Variants in ZNF782 observed in about 807,000 individuals in gnomAD.
ZNF782 encodes zinc finger protein 782.
A neutral mutation model predicts 13.0 loss-of-function variants in ZNF782; 12 were observed. The observed-to-expected ratio is 0.92, with a 90% confidence interval of 0.59 to 1.50. The LOEUF is 1.50. ZNF782 is among the 40% of genes most tolerant of loss of function. The probability of loss-of-function intolerance (pLI) is 0.00; values close to 1 mark genes in which losing one functional copy is unlikely to be tolerated. For missense variants in ZNF782, 770 were observed against 822.9 expected (o/e 0.94, Z 0.79); for synonymous variants, 284 against 283.0 (o/e 1.00, Z -0.04).
chr9:96,836,464 G>A (rs1200365096), intron 4 of ZNF782, among the ~76,000 whole-genome samples: 1 of 152,188 alleles, frequency 6.6e-6, no homozygotes, highest in Non-Finnish European at 1.5e-5. Flanking sequence ...GCCTCCCAAA[G>A]TGCTGGGATT....
intron 5 of ZNF782, 81 bp from the exon 6 acceptor site, chr9:96,819,859 C>T: frequency 2.7e-6 from 3 of 1,114,962 alleles, no homozygotes; most frequent in South Asian, 2.4e-5. Context: ...TATATATGCC[C>T]TATTATGTAT....
intron 4 of ZNF782, among the ~76,000 whole-genome samples, chr9:96,834,042 G>A (rs1850900176): frequency 6.6e-6 from 1 of 152,102 alleles, no homozygotes; most frequent in Non-Finnish European, 1.5e-5. Flanking sequence ...AGTGTTGAGA[G>A]GTGGGGCATA....
At chr9:96,843,593 T>C (rs1222810459) in intron 4 of ZNF782, among the ~76,000 whole-genome samples, 1 of 152,182 alleles carries the variant, frequency 6.6e-6, no homozygotes, top group Admixed American at 6.5e-5. Flanking sequence ...CAGTTCTGAA[T>C]TGTAACTGTG....
intron 1 of ZNF782, among the ~76,000 whole-genome samples, chr9:96,864,686 A>G (rs1321471646): frequency 5.3e-5 from 8 of 152,024 alleles, no homozygotes; most frequent in Non-Finnish European, 2.9e-5. Flanking sequence ...ATTTCACAGT[A>G]AGGAATTACT....
At chr9:96,870,243 G>A (rs1851807871) in intron 1 of ZNF782, among the ~76,000 whole-genome samples, 1 of 152,124 alleles carries the variant, frequency 6.6e-6, no homozygotes, top group South Asian at 2.1e-4. Context: ...CTATTTGATT[G>A]TCTTTCTTAG....
chr9:96,818,250 T>C lies in ZNF782; in HGVS notation c.1773A>G (p.Gln591=). 6.2e-7 allele frequency: 1 copy of C among 1,614,022 alleles called. No individual in the cohort carries two copies. Among genetic ancestry groups the C allele is most frequent in the Admixed American group, 1.7e-5 (1 of 60,004 alleles). Residue 591 remains glutamine (Q), a synonymous_variant, in exon 6 of 6, where the codon CAA becomes CAG. Transcript: ENST00000481138. ...HRTHTGEKPY[Q]CEECGKTFRQ... Reference sequence around the variant, plus strand: ...TGAATGTTTTTCCACACTCCTCACATTGATAGGGTTTCTCCCCAGTATGAG... The same window carrying C: ...TGAATGTTTTTCCACACTCCTCACACTGATAGGGTTTCTCCCCAGTATGAG...
intron 2 of ZNF782, among the ~76,000 whole-genome samples, chr9:96,852,372 G>T (rs1851521405): frequency 6.6e-6 from 1 of 152,226 alleles, no homozygotes; most frequent in Non-Finnish European, 1.5e-5. Flanking sequence ...AGGTACTGTG[G>T]TTCAAGCCTG....
At chr9:96,863,973 T>C (rs1264527225) in intron 1 of ZNF782, among the ~76,000 whole-genome samples, 6 of 151,944 alleles carry the variant, frequency 3.9e-5, no homozygotes, top group African/African-American at 1.5e-4. Flanking sequence ...AACTTATCCA[T>C]GTAAGCAAAA....
At chr9:96,932,771 G>A in the ZNF782 span, among the ~76,000 whole-genome samples, 5 of 151,670 alleles carry the variant, frequency 3.3e-5, no homozygotes, top group Non-Finnish European at 5.9e-5. Context: ...TGCTGCCTCA[G>A]CTTCCTGAGT....
At chr9:96,931,856 G>T in the ZNF782 span, 7 of 1,612,444 alleles carry the variant, frequency 4.3e-6, no homozygotes, top group Non-Finnish European at 5.9e-6. Context: ...GGTTCCTCCA[G>T]CCGGCCCTCT....
At chr9:96,905,715 A>G in the ZNF782 span, among the ~76,000 whole-genome samples, 2 of 152,230 alleles carry the variant, frequency 1.3e-5, no homozygotes, top group African/African-American at 4.8e-5. Flanking sequence ...CCTCCCAAGC[A>G]GCTGGGACTA....
At chr9:96,882,858 T>A in the ZNF782 span, among the ~76,000 whole-genome samples, 1 of 152,222 alleles carries the variant, frequency 6.6e-6, no homozygotes, top group African/African-American at 2.4e-5. Context: ...ACCTTAATTA[T>A]CATTGCTGAA....
At chr9:96,885,803 TCCTTCCTTCC>T in the ZNF782 span, among the ~76,000 whole-genome samples, 1 of 152,050 alleles carries the variant, frequency 6.6e-6, no homozygotes, top group Non-Finnish European at 1.5e-5. Flanking sequence ...TTTCCTTCCT[TCCTTCCTTCC>T]CCTTCCTTCC....
chr9:96,872,543 A>AG (rs1851840482), intron 1 of ZNF782, among the ~76,000 whole-genome samples: 1 of 151,884 alleles, frequency 6.6e-6, no homozygotes. Context: ...AAAAAAAAAA[A>AG]ATTGTGACTA....
the ZNF782 span, among the ~76,000 whole-genome samples, chr9:96,907,925 G>A: frequency 6.6e-6 from 1 of 151,568 alleles, no homozygotes; most frequent in African/African-American, 2.4e-5. Flanking sequence ...ACAGGTGTGA[G>A]CCACCGTGCC....
At chr9:96,899,700 C>A in the ZNF782 span, among the ~76,000 whole-genome samples, 1 of 152,194 alleles carries the variant, frequency 6.6e-6, no homozygotes, top group South Asian at 2.1e-4. Flanking sequence ...AGCAGTCTAA[C>A]CATCCACAAA....
rs934278810 is a variant in ZNF782 at position 96,817,478 on chromosome 9, T to C, written c.*445A>G. ...AGGTCTCTATCTTGAATGTATTTTC[T>C]GCTGTACTGACTTTTCATTAAAGTT... is the stretch of plus-strand genomic sequence containing the variant. On this transcript the variant is annotated 3_prime_UTR_variant, in exon 6 of 6. Transcript: ENST00000481138. 1.3e-5 allele frequency: 2 copies of C among 155,924 alleles called. No homozygotes were observed. Among genetic ancestry groups the C allele is most frequent in the African/African-American group, 4.8e-5 (2 of 41,546 alleles). The allele number at this position is 155,924 out of a possible 1,614,324, so 9.7% of individuals were successfully genotyped here.
intron 4 of ZNF782, among the ~76,000 whole-genome samples, chr9:96,836,859 C>T (rs1178859633): frequency 1.3e-5 from 2 of 152,082 alleles, no homozygotes; most frequent in Admixed American, 1.3e-4. Flanking sequence ...GTTAAAGAGC[C>T]TGGTTTCTCT....
intron 1 of ZNF782, among the ~76,000 whole-genome samples, chr9:96,875,208 T>A (rs1851878795): frequency 6.6e-6 from 1 of 152,208 alleles, no homozygotes; most frequent in Admixed American, 6.5e-5. Flanking sequence ...GGTTGTTATT[T>A]TTAATGCAGA....
Sources: gnomAD v4.1 joint callset for allele counts (sites outside exome capture counted in the v4.1 genomes callset) on GRCh38, gnomAD v4.1.1 for gene constraint, MANE v1.5 for transcripts, NCBI Gene and HGNC (gene_info 2026-07-23, HGNC 2026-07-21) for gene names.